LMX1A: variants seen among roughly 807,000 people sequenced by gnomAD.
LMX1A encodes LIM homeobox transcription factor 1-alpha.
LMX1A carries 15 observed loss-of-function variants against 49.1 expected under a neutral mutation model. The observed-to-expected ratio is 0.31, with a 90% CI of 0.20 to 0.47. The LOEUF (loss-of-function observed/expected upper bound fraction) is 0.47. LMX1A is among the 20% of genes least tolerant of loss of function. The pLI, the probability that LMX1A is intolerant of heterozygous loss-of-function variation, is 1.00. For missense variants in LMX1A, 372 were observed against 475.8 expected (o/e 0.78, Z 2.03); for synonymous variants, 167 against 185.7 (o/e 0.90, Z 0.82).
At chr1:165,252,188 C>T (rs1380397836) in intron 3 of LMX1A, among the ~76,000 whole-genome samples, 1 of 152,216 alleles carries the variant, frequency 6.6e-6, no homozygotes, top group African/African-American at 2.4e-5. Flanking sequence ...TACTCTCACA[C>T]ATGGTGGGTA....
intron 6 of LMX1A, 44 bp downstream of exon 6, chr1:165,210,655 G>C: frequency 6.8e-7 from 1 of 1,470,874 alleles, no homozygotes; most frequent in Non-Finnish European, 9.5e-7. Flanking sequence ...ATTATTTCAG[G>C]AAACCAGCAA....
At chr1:165,346,735 C>A (rs1656257988) in intron 3 of LMX1A, among the ~76,000 whole-genome samples, 1 of 152,192 alleles carries the variant, frequency 6.6e-6, no homozygotes, top group Admixed American at 6.5e-5. Flanking sequence ...CCAAAAGAAA[C>A]TTAATCCCTA....
intron 4 of LMX1A, among the ~76,000 whole-genome samples, chr1:165,221,908 TACACACACACACAC>T (rs3038076): frequency 2.4e-5 from 3 of 126,894 alleles, no homozygotes; most frequent in Admixed American, 8.6e-5. Context: ...GTCTCCACTC[TACACACACACACAC>T]ACACACACAC....
intron 4 of LMX1A, among the ~76,000 whole-genome samples, chr1:165,228,254 C>T (rs1273828061): frequency 6.6e-6 from 1 of 152,150 alleles, no homozygotes; most frequent in African/African-American, 2.4e-5. Context: ...TCCTCCATGG[C>T]ACCAGCTCAT....
intron 3 of LMX1A, among the ~76,000 whole-genome samples, chr1:165,295,905 C>G (rs1654601992): frequency 6.6e-6 from 1 of 152,124 alleles, no homozygotes; most frequent in South Asian, 2.1e-4. Context: ...CACACCAGGT[C>G]TGGGGTGCCA....
At chr1:165,330,367 G>A (rs1422345187) in intron 3 of LMX1A, among the ~76,000 whole-genome samples, 1 of 152,220 alleles carries the variant, frequency 6.6e-6, no homozygotes, top group Non-Finnish European at 1.5e-5. Flanking sequence ...CCAACTATTT[G>A]GGAGGCTGTG....
intron 3 of LMX1A, among the ~76,000 whole-genome samples, chr1:165,318,611 G>A (rs1655289046): frequency 6.6e-6 from 1 of 152,140 alleles, no homozygotes. Flanking sequence ...GACTCAATGA[G>A]ATGTAAGTGG....
chr1:165,245,984 ATCAG>A (rs1369116449), intron 4 of LMX1A, among the ~76,000 whole-genome samples: 1 of 151,702 alleles, frequency 6.6e-6, no homozygotes, highest in Non-Finnish European at 1.5e-5. Flanking sequence ...AGGATACTAG[ATCAG>A]TCATTCACTC....
At chr1:165,282,323 T>A (rs978264703) in intron 3 of LMX1A, among the ~76,000 whole-genome samples, 1 of 152,190 alleles carries the variant, frequency 6.6e-6, no homozygotes, top group African/African-American at 2.4e-5. Context: ...GCCCCTCGGA[T>A]ACCAAAACTC....
chr1:165,221,283 G>A (rs971432930), intron 4 of LMX1A, among the ~76,000 whole-genome samples: 1 of 150,092 alleles, frequency 6.7e-6, no homozygotes, highest in African/African-American at 2.5e-5. Flanking sequence ...GCTTTCTGGA[G>A]GGGGTGAAAG....
chr1:165,353,286 G>A (rs562406017), intron 2 of LMX1A, 24 bp from the exon 3 acceptor site: 21 of 1,600,892 alleles, frequency 1.3e-5, no homozygotes, highest in Non-Finnish European at 1.4e-5. Flanking sequence ...AGACGTTGGC[G>A]GGTGAGCAGC....
chr1:165,311,170 C>A (rs943684635), intron 3 of LMX1A, among the ~76,000 whole-genome samples: 1 of 152,146 alleles, frequency 6.6e-6, no homozygotes, highest in Non-Finnish European at 1.5e-5. Context: ...AAATGCCTGA[C>A]TGGAATTGGA....
intron 3 of LMX1A, among the ~76,000 whole-genome samples, chr1:165,338,487 CA>C (rs937647707): frequency 1.3e-5 from 2 of 152,226 alleles, no homozygotes; most frequent in African/African-American, 2.4e-5. Context: ...GGCTTTCCAA[CA>C]ATCCCACTGT....
chr1:165,317,658 T>C (rs1655264021), intron 3 of LMX1A, among the ~76,000 whole-genome samples: 2 of 152,158 alleles, frequency 1.3e-5, no homozygotes, highest in Non-Finnish European at 2.9e-5. Context: ...GCCCAGAAGA[T>C]TTCTGCAAAC....
Position 165,355,250 on chromosome 1 carries a change from C to A in LMX1A, c.76+234G>T, listed in dbSNP as rs866214598. On this transcript the variant is annotated intron_variant, in intron 2 of 8. Coordinates refer to ENST00000342310, the MANE Select transcript of LMX1A (RefSeq NM_177398.4). The surrounding 1 kb of genome is among the most constrained non-coding windows in gnomAD (Gnocchi z 4.7). ...CCTACGAACAAGCTCGCCCGCCCCT[C>A]GCGGCTTTGGGGAATTCGGTGCCCA... 4.6e-5 allele frequency among the ~76,000 whole-genome samples: 7 copies of A among 152,256 alleles called. No individual in the cohort carries two copies. The highest frequency in any genetic ancestry group is 2.1e-4 in the South Asian group (1 of 4,820).
At chr1:165,280,168 G>T (rs1205911814) in intron 3 of LMX1A, among the ~76,000 whole-genome samples, 1 of 152,136 alleles carries the variant, frequency 6.6e-6, no homozygotes, top group Non-Finnish European at 1.5e-5. Flanking sequence ...GCAGATTCGG[G>T]CTTATTGAAG....
At chr1:165,288,600 G>A (rs1447936634) in intron 3 of LMX1A, among the ~76,000 whole-genome samples, 3 of 152,162 alleles carry the variant, frequency 2.0e-5, no homozygotes, top group Non-Finnish European at 4.4e-5. Flanking sequence ...ATGTCTCCTA[G>A]GTTACAGCTG....
intron 3 of LMX1A, among the ~76,000 whole-genome samples, chr1:165,341,724 T>A (rs1374792237): frequency 6.6e-6 from 1 of 152,132 alleles, no homozygotes; most frequent in Non-Finnish European, 1.5e-5. Flanking sequence ...CTTAAAATAA[T>A]GTTATTCTTT....
intron 3 of LMX1A, among the ~76,000 whole-genome samples, chr1:165,264,685 G>A (rs1346322015): frequency 2.6e-5 from 4 of 152,164 alleles, no homozygotes; most frequent in Admixed American, 6.5e-5. Context: ...GGCCTAGTGC[G>A]GTGGCTCATG....
Sources: allele counts gnomAD v4.1 joint callset (sites outside exome capture counted in the v4.1 genomes callset), GRCh38; gene constraint gnomAD v4.1.1; non-coding constraint Gnocchi (gnomAD v3.1); transcripts MANE v1.5; gene names NCBI Gene and HGNC (gene_info 2026-07-23, HGNC 2026-07-21).